ANK2: variants seen among roughly 807,000 people sequenced by gnomAD.
The protein encoded by ANK2 is ankyrin 2.
Under a neutral mutation model 360.5 loss-of-function variants are expected in ANK2, and 83 were observed. The ratio of observed to expected loss-of-function variants is 0.23; its 90% CI spans 0.19 to 0.28. ANK2 has a LOEUF of 0.28. Ranked by LOEUF, ANK2 falls within the 10% of genes least tolerant of loss-of-function variation. The pLI is 1.00. For synonymous variants in ANK2, 1,740 were observed against 1,759.5 expected (o/e 0.99, Z 0.28); for missense variants, 4,201 against 4,795.7 (o/e 0.88, Z 3.66).
chr4:113,195,998 G>GA (rs1287368579), intron 2 of ANK2, among the ~76,000 whole-genome samples: 2 of 152,044 alleles, frequency 1.3e-5, no homozygotes, highest in Admixed American at 1.3e-4. Flanking sequence ...CAAAAGGACT[G>GA]AAAAAATATA....
At chr4:113,379,603 GA>G (rs560865922) in intron 45 of ANK2, among the ~76,000 whole-genome samples, 28 of 147,278 alleles carry the variant, frequency 1.9e-4, no homozygotes, top group South Asian at 1.1e-3. Context: ...CCTTTTTGAA[GA>G]AAAAAAAAAT....
intron 2 of ANK2, among the ~76,000 whole-genome samples, chr4:112,934,324 C>T (rs61612765): frequency 0.034 from 5,148 of 152,158 alleles, 128 homozygotes; most frequent in African/African-American, 0.063. Flanking sequence ...TCTTTGACCT[C>T]GAGGTTGGAT....
intron 32 of ANK2, among the ~76,000 whole-genome samples, chr4:113,341,207 C>T (rs563356120): frequency 2.0e-5 from 3 of 152,020 alleles, no homozygotes; most frequent in South Asian, 2.1e-4. Context: ...AAAAGAATAA[C>T]GAGGGGAGGA....
chr4:112,810,012 A>T, the ANK2 span, among the ~76,000 whole-genome samples: 1 of 151,392 alleles, frequency 6.6e-6, no homozygotes, highest in African/African-American at 2.4e-5. Flanking sequence ...GCCAATTGCT[A>T]ACATGTTGTC....
In ANK2 at chr4:113,292,491, G is replaced by A. The variant is rs780659727; in HGVS notation, c.2353G>A (p.Ala785Thr). ...CATCAACGTCCTGCTCCAGCATGGG[G>A]CCAAGCCCAACGCCACCACTGCGGT... ...HIINVLLQHGAKPNATTANGN... is the reference protein window; with the variant it reads ...HIINVLLQHGTKPNATTANGN... The change falls in exon 21 of 46, where the codon GCC becomes ACC. Residue 785 changes from alanine to threonine, a missense_variant. Physicochemically the swap from Ala to Thr is moderately conservative, Grantham distance 58. Around this residue, in one of 4 missense-constraint regions of ANK2, gnomAD observed 1,268 missense variants for 1,650.8 expected, o/e 0.77. Transcript: ENST00000357077. The A allele has an allele frequency of 1.2e-6, 2 of 1,611,000 alleles. No homozygotes were observed. The highest frequency in any genetic ancestry group is 2.2e-5 in the South Asian group (2 of 90,346).
chr4:113,041,502 C>T (rs1410013097), intron 2 of ANK2, among the ~76,000 whole-genome samples: 1 of 152,102 alleles, frequency 6.6e-6, no homozygotes, highest in Non-Finnish European at 1.5e-5. Flanking sequence ...TATCTCCAAA[C>T]ATATTCCCTG....
intron 2 of ANK2, among the ~76,000 whole-genome samples, chr4:113,178,367 C>T (rs997921866): frequency 1.3e-5 from 2 of 151,936 alleles, no homozygotes; most frequent in African/African-American, 4.8e-5. Context: ...ATCAGGAGTT[C>T]GAGACCAGTC....
At chr4:113,062,465 G>A (rs1268084388) in intron 1 of ANK2, among the ~76,000 whole-genome samples, 2 of 152,016 alleles carry the variant, frequency 1.3e-5, no homozygotes, top group African/African-American at 2.4e-5. Flanking sequence ...TTTTCTGGCT[G>A]TATAGCTCTT....
intron 13 of ANK2, among the ~76,000 whole-genome samples, chr4:113,259,812 C>CTTT (rs772674741): frequency 9.4e-6 from 1 of 106,616 alleles, no homozygotes; most frequent in Non-Finnish European, 2.0e-5. Context: ...CTTTTTTTTT[C>CTTT]TTTTTTTTTT....
intron 1 of ANK2, among the ~76,000 whole-genome samples, chr4:113,143,840 A>C (rs959403296): frequency 6.6e-6 from 1 of 152,188 alleles, no homozygotes; most frequent in African/African-American, 2.4e-5. Context: ...AATACTACAG[A>C]ACATGGTTCA....
chr4:112,888,599 G>A (rs1270897030), intron 1 of ANK2, among the ~76,000 whole-genome samples: 3 of 151,804 alleles, frequency 2.0e-5, no homozygotes, highest in Non-Finnish European at 4.4e-5. Flanking sequence ...CATAGAGAGA[G>A]TCATGTCCGT....
chr4:112,891,281 A>G lies in ANK2; in HGVS notation c.-39-13174A>G, dbSNP rs537387379. ...GCTTCCTTTGTGTCCCAGTGAATGCATGATAGAATTTGTTTATCTGCTTAC... is the reference window on the plus strand; with the variant it reads ...GCTTCCTTTGTGTCCCAGTGAATGCGTGATAGAATTTGTTTATCTGCTTAC... On this transcript the variant is annotated intron_variant, in intron 1 of 30. Coordinates refer to the ANK2 transcript ENST00000503271. 2.0e-5 allele frequency among the ~76,000 whole-genome samples: 3 copies of G among 152,306 alleles called. No homozygotes were observed. The East Asian group carries it at 5.8e-4, about 29-fold the overall frequency.
At position 113,354,762 on chromosome 4, in the gene ANK2, G is replaced by A. The variant is rs1480645480; in HGVS notation, c.6144G>A (p.Gln2048=). The change falls in exon 38 of 46, where the codon CAG becomes CAA. Residue 2048 remains glutamine (Q), a synonymous_variant. Transcript: ENST00000357077. ...TQREAQKTEN[Q]TIKRGQRLPV... ...GAGAAGCTCAGAAAACAGAGAATCA[G>A]ACAATCAAACGAGGCCAGAGACTCC... 2 of 1,613,862 alleles carry A rather than the reference G, an allele frequency of 1.2e-6. No individual in the cohort carries two copies. The highest frequency in any genetic ancestry group is 2.2e-5 in the East Asian group (1 of 44,876).
At chr4:113,233,068 C>A (rs2099329542) in intron 5 of ANK2, among the ~76,000 whole-genome samples, 1 of 146,998 alleles carries the variant, frequency 6.8e-6, no homozygotes, top group East Asian at 2.0e-4. Flanking sequence ...TGCCTCTTCT[C>A]ACCTGTTTCA....
chr4:113,307,038 CAG>C (rs902105012), intron 23 of ANK2, among the ~76,000 whole-genome samples: 7 of 152,308 alleles, frequency 4.6e-5, no homozygotes, highest in African/African-American at 1.7e-4. Context: ...AGGTGGGGCT[CAG>C]AGATTTTGGC....
At chr4:112,778,029 G>A in the ANK2 span, among the ~76,000 whole-genome samples, 13,150 of 151,680 alleles carry the variant, frequency 0.087, 760 homozygotes, top group African/African-American at 0.16. Flanking sequence ...GAGTGCAATG[G>A]CGCGATCTCG....
At chr4:112,954,521 G>C (rs2095241156) in intron 2 of ANK2, among the ~76,000 whole-genome samples, 1 of 152,072 alleles carries the variant, frequency 6.6e-6, no homozygotes, top group African/African-American at 2.4e-5. Flanking sequence ...TAAATTGTTA[G>C]ACAGATGGTG....
At chr4:112,888,572 ATTTTCTT>A (rs1430146493) in intron 1 of ANK2, among the ~76,000 whole-genome samples, 1 of 151,840 alleles carries the variant, frequency 6.6e-6, no homozygotes, top group Non-Finnish European at 1.5e-5. Context: ...TAATTTTGAT[ATTTTCTT>A]TTGACTCTAC....
the ANK2 span, chr4:112,788,367 G>T: frequency 1.3e-6 from 2 of 1,553,948 alleles, no homozygotes; most frequent in East Asian, 2.3e-5. Flanking sequence ...TTACGACATA[G>T]GGCAGGCAAG....
Sources: allele counts gnomAD v4.1 joint callset (sites outside exome capture counted in the v4.1 genomes callset), GRCh38; gene constraint gnomAD v4.1.1; regional missense constraint gnomAD v4.1.1; transcripts MANE v1.5; gene names NCBI Gene and HGNC (gene_info 2026-07-23, HGNC 2026-07-21).